Variants in PCDHA6 observed in about 807,000 individuals in gnomAD.
PCDHA6 encodes the protein protocadherin alpha 6, also known as protocadherin alpha-6.
Under a neutral mutation model 60.3 loss-of-function variants are expected in PCDHA6, and 55 were observed. The observed-to-expected ratio is 0.91, with a 90% CI of 0.73 to 1.14. PCDHA6 has a LOEUF of 1.14. Among genes scored for constraint, PCDHA6 ranks in the 50% most tolerant of loss-of-function variants. The pLI, the probability that PCDHA6 is intolerant of heterozygous loss-of-function variation, is 0.00. For synonymous variants in PCDHA6, 652 were observed against 557.9 expected (o/e 1.17, Z -2.38); for missense variants, 1,327 against 1,256.5 (o/e 1.06, Z -0.85).
intron 1 of PCDHA6, among the ~76,000 whole-genome samples, chr5:140,938,910 C>T (rs1467187970): frequency 6.6e-6 from 1 of 152,012 alleles, no homozygotes; most frequent in African/African-American, 2.4e-5. Context: ...CACACACACA[C>T]GCACAAGAAA....
chr5:140,927,896 A>G (rs571131956), intron 1 of PCDHA6: 1 of 1,614,200 alleles, frequency 6.2e-7, no homozygotes, highest in African/African-American at 1.3e-5. Context: ...GACGTGAACG[A>G]TCATGCCCCC....
chr5:140,926,805 G>T (rs1383202456), intron 1 of PCDHA6: 3 of 1,452,468 alleles, frequency 2.1e-6, no homozygotes, highest in East Asian at 5.0e-5. Flanking sequence ...GCTCTTCCCC[G>T]CGGCTCGTGC....
rs17844361 is a variant in PCDHA6, at chr5:140,927,747, C to T, written c.2395-51202C>T. ...AAGCAGAGCTGCGACACCGCTTTCA[C>T]GTGCACCCTAAAAGTGGGGAGGTGC... On this transcript the variant is annotated intron_variant, in intron 1 of 3. Coordinates refer to ENST00000529310, the MANE Select transcript of PCDHA6 (RefSeq NM_018909.4). 465 of 1,614,224 alleles carry T rather than the reference C, an allele frequency of 2.9e-4. No homozygotes were observed. In the East Asian group the frequency reaches 8.6e-3, roughly 30 times the overall value.
At chr5:140,852,885 ATT>A (rs879977429) in intron 1 of PCDHA6, 59 of 776,660 alleles carry the variant, frequency 7.6e-5, no homozygotes, top group Non-Finnish European at 8.1e-5. Flanking sequence ...CATAAAACGT[ATT>A]TTTTTTTTTG....
chr5:140,836,877 C>A, intron 1 of PCDHA6: 1 of 682,570 alleles, frequency 1.5e-6, no homozygotes, highest in Non-Finnish European at 2.3e-6. Flanking sequence ...GCTGTATTTG[C>A]ACTAATTATT....
intron 1 of PCDHA6, chr5:140,834,529 C>G: frequency 6.2e-7 from 1 of 1,614,054 alleles, no homozygotes; most frequent in Non-Finnish European, 8.5e-7. Context: ...GGCCGCATCG[C>G]GCAGGACCTG....
At chr5:140,890,718 T>A (rs2062769103) in intron 1 of PCDHA6, among the ~76,000 whole-genome samples, 1 of 152,212 alleles carries the variant, frequency 6.6e-6, no homozygotes, top group Non-Finnish European at 1.5e-5. Context: ...AAAATCTTTT[T>A]AATCCCTTTT....
intron 1 of PCDHA6, among the ~76,000 whole-genome samples, chr5:140,900,805 G>C (rs1554189444): frequency 6.6e-6 from 1 of 152,118 alleles, no homozygotes; most frequent in Non-Finnish European, 1.5e-5. Context: ...CATAGTGCTT[G>C]TACTAATTTA....
chr5:140,853,467 G>T lies in PCDHA6; in HGVS notation c.2394+22982G>T, dbSNP rs2150532339. 46 of 971,640 alleles carry T rather than the reference G, an allele frequency of 4.7e-5. No homozygotes were observed. The African/African-American group carries it at 8.1e-4, about 17-fold the overall frequency. 60.2% of individuals were successfully genotyped at this position (971,640 alleles called of 1,614,324 possible). ...CTAATAGGTCTCCTTATATGCATCT[G>T]TAGTTAACATTCCTCAATTCAAGTT... On this transcript the variant is annotated intron_variant, in intron 1 of 3. Transcript: ENST00000529310.
intron 1 of PCDHA6, among the ~76,000 whole-genome samples, chr5:140,899,678 G>C (rs1554188694): frequency 6.6e-6 from 1 of 152,210 alleles, no homozygotes; most frequent in Non-Finnish European, 1.5e-5. Flanking sequence ...TTGGTATCAG[G>C]ATGATGCTGG....
At chr5:140,834,377 A>G (rs1445346495) in intron 1 of PCDHA6, 1 of 1,562,428 alleles carries the variant, frequency 6.4e-7, no homozygotes, top group Non-Finnish European at 8.7e-7. Flanking sequence ...CAAGCCAATA[A>G]TTTGAAATGG....
chr5:140,992,127 T>G (rs1237289084), intron 3 of PCDHA6, among the ~76,000 whole-genome samples: 1 of 151,584 alleles, frequency 6.6e-6, no homozygotes, highest in Non-Finnish European at 1.5e-5. Flanking sequence ...GGAAGAACAG[T>G]GACTGATGAT....
intron 1 of PCDHA6, chr5:140,966,981 TG>T (rs2096079365): frequency 1.2e-6 from 2 of 1,603,254 alleles, no homozygotes; most frequent in African/African-American, 2.7e-5. Flanking sequence ...CTGCGGCGCT[TG>T]GGGCCGGGTT....
chr5:140,991,003 A>C (rs1228444549), intron 3 of PCDHA6, among the ~76,000 whole-genome samples: 1 of 152,190 alleles, frequency 6.6e-6, no homozygotes, highest in East Asian at 1.9e-4. Flanking sequence ...ATTTATTGAG[A>C]ACTGTGATAA....
At chr5:140,997,510 C>T (rs536611731) in intron 3 of PCDHA6, among the ~76,000 whole-genome samples, 60 of 152,102 alleles carry the variant, frequency 3.9e-4, no homozygotes, top group Non-Finnish European at 6.9e-4. Context: ...CATACCTAAA[C>T]GCAGAAAAAG....
In PCDHA6 at chr5:140,876,137, T is replaced by TA. The variant is rs781824852; in HGVS notation, c.2394+45654dup. The TA allele has an allele frequency of 1.3e-5, 21 of 1,613,798 alleles. No individual in the cohort carries two copies. The Middle Eastern group carries it at 4.9e-4, about 38-fold the overall frequency. On this transcript the variant is annotated intron_variant, in intron 1 of 3. Coordinates refer to ENST00000529310, the MANE Select transcript of PCDHA6 (RefSeq NM_018909.4). Reference sequence around the variant, plus strand: ...GTAATCGATGGCGGTAAACCAGAACTAACAGGGTCTGTCCAGATTCAAATA... The same window carrying TA: ...GTAATCGATGGCGGTAAACCAGAACTAAACAGGGTCTGTCCAGATTCAAATA...
chr5:140,841,449 C>T (rs2150315739), intron 1 of PCDHA6: 8 of 1,612,922 alleles, frequency 5.0e-6, no homozygotes, highest in South Asian at 1.1e-5. Context: ...AAACACGGCA[C>T]CTTCGTGGGC....
intron 1 of PCDHA6, chr5:140,865,648 T>C (rs769799199): frequency 2.6e-5 from 4 of 152,194 alleles, no homozygotes; most frequent in Non-Finnish European, 4.4e-5. Flanking sequence ...AAATACATTA[T>C]TTCATTTAAT....
At chr5:140,834,387 G>C in intron 1 of PCDHA6, 1 of 1,584,008 alleles carries the variant, frequency 6.3e-7, no homozygotes, top group South Asian at 1.2e-5. Flanking sequence ...ATTTGAAATG[G>C]TGTGCCCGAA....
Sources: gnomAD v4.1 joint callset for allele counts (sites outside exome capture counted in the v4.1 genomes callset) on GRCh38, gnomAD v4.1.1 for gene constraint, MANE v1.5 for transcripts, NCBI Gene and HGNC (gene_info 2026-07-23, HGNC 2026-07-21) for gene names.